XPR1: variants seen among roughly 807,000 people sequenced by gnomAD.
XPR1 encodes solute carrier family 53 member 1.
A neutral mutation model predicts 87.5 loss-of-function variants in XPR1; 28 were observed. The observed-to-expected ratio is 0.32, with a 90% CI of 0.24 to 0.44. The LOEUF is 0.44. Among genes scored for constraint, XPR1 ranks in the 20% least tolerant of loss-of-function variants. The probability of loss-of-function intolerance (pLI) is 1.00; values close to 1 mark genes in which losing one functional copy is unlikely to be tolerated. For missense variants in XPR1, 559 were observed against 862.3 expected (o/e 0.65, Z 4.41); for synonymous variants, 300 against 306.1 (o/e 0.98, Z 0.21).
chr1:180,828,174 C>T (rs1426017933), intron 9 of XPR1, among the ~76,000 whole-genome samples: 1 of 152,002 alleles, frequency 6.6e-6, no homozygotes, highest in Non-Finnish European at 1.5e-5. Flanking sequence ...CCACACCCAT[C>T]CTTTTCTTTA....
At chr1:180,723,301 T>A (rs959438247) in intron 2 of XPR1, among the ~76,000 whole-genome samples, 1 of 152,200 alleles carries the variant, frequency 6.6e-6, no homozygotes, top group African/African-American at 2.4e-5. Flanking sequence ...CTTCTGAAAT[T>A]TAGCATGTGC....
intron 2 of XPR1, among the ~76,000 whole-genome samples, chr1:180,769,760 G>A (rs909963673): frequency 2.6e-5 from 4 of 152,106 alleles, no homozygotes; most frequent in Admixed American, 6.5e-5. Context: ...ATATCTCTTC[G>A]ATATGCTAAT....
intron 2 of XPR1, among the ~76,000 whole-genome samples, chr1:180,709,960 C>T (rs1319456916): frequency 1.3e-5 from 2 of 150,606 alleles, no homozygotes; most frequent in African/African-American, 4.9e-5. Flanking sequence ...GGCTGGAGTG[C>T]AATAGCGTGA....
chr1:180,888,810 G>C lies in XPR1; in HGVS notation c.*4744G>C, dbSNP rs1653097620. ...AAGTCTATACAATGTTAGAGCACAT[G>C]GTAATGTGGGACAGAGTTGATTATA... On this transcript the variant is annotated 3_prime_UTR_variant, in exon 15 of 15. Transcript: ENST00000367590. The C allele has an allele frequency of 6.6e-6, 1 of 152,190 alleles. No individual in the cohort carries two copies. Among genetic ancestry groups the C allele is most frequent in the Non-Finnish European group, 1.5e-5 (1 of 68,024 alleles). The allele number at this position is 152,190 out of a possible 1,614,324, so 9.4% of individuals were successfully genotyped here.
chr1:180,722,727 T>G (rs916084602), intron 2 of XPR1, among the ~76,000 whole-genome samples: 1 of 152,220 alleles, frequency 6.6e-6, no homozygotes, highest in Non-Finnish European at 1.5e-5. Flanking sequence ...TTTTTTAGCT[T>G]GATACAGTTG....
chr1:180,658,460 T>G (rs990039914), intron 1 of XPR1, among the ~76,000 whole-genome samples: 9 of 152,212 alleles, frequency 5.9e-5, no homozygotes, highest in Middle Eastern at 3.2e-3. Flanking sequence ...GAGGTATGCT[T>G]CTTCTATACC....
chr1:180,656,807 G>A (rs1337724640), intron 1 of XPR1, among the ~76,000 whole-genome samples: 1 of 149,292 alleles, frequency 6.7e-6, no homozygotes, highest in East Asian at 2.0e-4. Flanking sequence ...ATGTGGGAGT[G>A]CAGATGTCTC....
intron 2 of XPR1, among the ~76,000 whole-genome samples, chr1:180,711,333 T>C (rs540002815): frequency 1.9e-4 from 29 of 152,298 alleles, no homozygotes; most frequent in African/African-American, 7.0e-4. Flanking sequence ...CATTGAGCAC[T>C]GAGTGAACGA....
intron 1 of XPR1, among the ~76,000 whole-genome samples, chr1:180,637,518 A>G (rs1027328013): frequency 6.6e-6 from 1 of 152,210 alleles, no homozygotes; most frequent in South Asian, 2.1e-4. Flanking sequence ...AGACTTGACA[A>G]GAAGTTCGCC....
At chr1:180,715,440 A>T (rs193112209) in intron 2 of XPR1, among the ~76,000 whole-genome samples, 5 of 152,254 alleles carry the variant, frequency 3.3e-5, no homozygotes, top group African/African-American at 1.2e-4. Context: ...TATCATAGGA[A>T]ACCAAAGCCA....
At chr1:180,741,086 A>T (rs1658906535) in intron 2 of XPR1, among the ~76,000 whole-genome samples, 1 of 150,942 alleles carries the variant, frequency 6.6e-6, no homozygotes, top group African/African-American at 2.4e-5. Context: ...ACCTCCTTCT[A>T]TTTTCTGAGA....
intron 2 of XPR1, among the ~76,000 whole-genome samples, chr1:180,711,357 A>G (rs989959678): frequency 1.5e-4 from 23 of 152,356 alleles, no homozygotes; most frequent in Non-Finnish European, 2.8e-4. Context: ...TCCATCTGCA[A>G]TCCCAGCACC....
intron 2 of XPR1, among the ~76,000 whole-genome samples, chr1:180,696,692 C>A (rs1372016078): frequency 6.6e-6 from 1 of 152,000 alleles, no homozygotes; most frequent in Non-Finnish European, 1.5e-5. Context: ...GAGTTTTTAT[C>A]ATGAAAGGAC....
intron 11 of XPR1, among the ~76,000 whole-genome samples, chr1:180,860,319 A>G (rs1190698692): frequency 1.3e-5 from 2 of 152,156 alleles, no homozygotes; most frequent in African/African-American, 4.8e-5. Context: ...TCATAAAGTT[A>G]AACATCCACT....
At chr1:180,715,986 A>C (rs1184591977) in intron 2 of XPR1, among the ~76,000 whole-genome samples, 2 of 152,150 alleles carry the variant, frequency 1.3e-5, no homozygotes, top group East Asian at 3.9e-4. Context: ...AAGTTGTTTT[A>C]ATGAAAGCTT....
rs990973433 is a variant in XPR1 at position 180,836,544 on chromosome 1, T to C, written c.1329T>C (p.Tyr443=). 4 of 1,614,052 alleles carry C rather than the reference T, an allele frequency of 2.5e-6. No individual in the cohort carries two copies. Among genetic ancestry groups the C allele is most frequent in the South Asian group, 2.2e-5 (2 of 91,088 alleles). Residue 443 remains tyrosine, a synonymous_variant, in exon 11 of 15, where the codon TAT becomes TAC. Transcript: ENST00000367590. Reference sequence around the variant, plus strand: ...CAGAATCAGGAATTTGCCACAAATATACATATGGTGTGCGGGCCATTGTTC... The same window carrying C: ...CAGAATCAGGAATTTGCCACAAATACACATATGGTGTGCGGGCCATTGTTC... The part of the protein sequence containing the change: ...NSEESGICHK[Y]TYGVRAIVQC...
intron 2 of XPR1, among the ~76,000 whole-genome samples, chr1:180,729,480 A>G (rs1283209487): frequency 6.6e-6 from 1 of 152,146 alleles, no homozygotes; most frequent in Non-Finnish European, 1.5e-5. Context: ...AAAACACTGA[A>G]CTACTTTCCA....
chr1:180,830,186 C>T (rs1014494209), intron 9 of XPR1, among the ~76,000 whole-genome samples: 1 of 152,172 alleles, frequency 6.6e-6, no homozygotes, highest in Non-Finnish European at 1.5e-5. Flanking sequence ...GCCAGAGCTT[C>T]TTCGTGCATA....
intron 7 of XPR1, among the ~76,000 whole-genome samples, chr1:180,818,007 A>G (rs924336156): frequency 3.3e-4 from 19 of 57,480 alleles, no homozygotes; most frequent in African/African-American, 1.4e-3. Context: ...ATATAAGTGA[A>G]AAAAAAAAAA....
Sources: allele counts gnomAD v4.1 joint callset (sites outside exome capture counted in the v4.1 genomes callset), GRCh38; gene constraint gnomAD v4.1.1; transcripts MANE v1.5; gene names NCBI Gene and HGNC (gene_info 2026-07-23, HGNC 2026-07-21).